COLEC10: variants seen among roughly 807,000 people sequenced by gnomAD.
The protein encoded by COLEC10 is collectin subfamily member 10.
In COLEC10, 22 loss-of-function variants were observed where a neutral mutation model predicts 28.4. The observed-to-expected ratio is 0.78, with a 90% CI of 0.55 to 1.11. The LOEUF (loss-of-function observed/expected upper bound fraction) is 1.11, where lower values mean the gene tolerates loss of function less well. COLEC10 is among the 50% of genes least tolerant of loss of function. The probability of loss-of-function intolerance (pLI) is 0.00; values close to 1 mark genes in which losing one functional copy is unlikely to be tolerated. For missense variants in COLEC10, 361 were observed against 344.1 expected, an observed-to-expected ratio of 1.05 and a Z score of -0.39; for synonymous variants, 125 against 116.1, an observed-to-expected ratio of 1.08 and a Z score of -0.49.
intron 2 of COLEC10, among the ~76,000 whole-genome samples, chr8:119,016,479 A>G (rs144756882): frequency 1.3e-5 from 2 of 152,282 alleles, no homozygotes; most frequent in African/African-American, 4.8e-5. Context: ...TAGGGCTGCA[A>G]TAAACATATG....
At chr8:118,996,348 T>C (rs7842942) in intron 1 of COLEC10, among the ~76,000 whole-genome samples, 103,993 of 152,098 alleles carry the variant, frequency 0.68, 37,378 homozygotes, top group African/African-American at 0.92. Context: ...CTTTGAGATC[T>C]TGATTTAAAT....
At chr8:118,965,864 A>G in the COLEC10 span, among the ~76,000 whole-genome samples, 1 of 152,134 alleles carries the variant, frequency 6.6e-6, no homozygotes, top group South Asian at 2.1e-4. Context: ...GCGAGTGAGT[A>G]GTGAAATTAA....
At chr8:119,067,214 A>G, upstream of COLEC10, 2 of 1,505,922 alleles carry the variant, frequency 1.3e-6, 1 homozygote, top group South Asian at 2.4e-5. Flanking sequence ...CCAAAGCAGG[A>G]GGTTTTATTT....
the COLEC10 span, among the ~76,000 whole-genome samples, chr8:118,972,019 C>T: frequency 6.6e-6 from 1 of 151,918 alleles, no homozygotes. Flanking sequence ...AAGCTCATCC[C>T]CTTATTAGTT....
chr8:119,024,474 C>G (rs752486609), intron 2 of COLEC10, among the ~76,000 whole-genome samples: 12 of 151,920 alleles, frequency 7.9e-5, no homozygotes, highest in Non-Finnish European at 1.6e-4. Flanking sequence ...TCTTGGGATG[C>G]TGAACACTGA....
upstream of COLEC10, among the ~76,000 whole-genome samples, chr8:118,992,468 G>A (rs1813518977): frequency 6.6e-6 from 1 of 152,150 alleles, no homozygotes; most frequent in South Asian, 2.1e-4. Flanking sequence ...TAACAGAAGT[G>A]TTGCCTATAA....
At chr8:118,955,640 C>T in the COLEC10 span, among the ~76,000 whole-genome samples, 1 of 152,172 alleles carries the variant, frequency 6.6e-6, no homozygotes, top group East Asian at 1.9e-4. Context: ...TTAACAAGAA[C>T]TCTGAAAACT....
chr8:118,999,124 G>A (rs1813643601), intron 1 of COLEC10, among the ~76,000 whole-genome samples: 1 of 151,896 alleles, frequency 6.6e-6, no homozygotes, highest in African/African-American at 2.4e-5. Flanking sequence ...CTATTAAAAA[G>A]GTCACATTTA....
intron 2 of COLEC10, among the ~76,000 whole-genome samples, chr8:119,016,048 T>A (rs1378705570): frequency 6.6e-6 from 1 of 152,154 alleles, no homozygotes; most frequent in African/African-American, 2.4e-5. Flanking sequence ...ATTTTTTACT[T>A]TAAGTTCTGG....
At chr8:118,990,251 T>C in the COLEC10 span, among the ~76,000 whole-genome samples, 1 of 152,186 alleles carries the variant, frequency 6.6e-6, no homozygotes, top group African/African-American at 2.4e-5. Flanking sequence ...CATATTTTCT[T>C]ACATATGTAT....
intron 2 of COLEC10, among the ~76,000 whole-genome samples, chr8:119,090,753 A>C (rs373795590): frequency 6.6e-6 from 1 of 152,144 alleles, no homozygotes; most frequent in African/African-American, 2.4e-5. Flanking sequence ...CAATTGTTAA[A>C]TCTTGTTTTA....
chr8:118,972,106 C>T, the COLEC10 span, among the ~76,000 whole-genome samples: 2 of 151,918 alleles, frequency 1.3e-5, no homozygotes, highest in Non-Finnish European at 2.9e-5. Flanking sequence ...AAAACTAGCA[C>T]CTAGTGTGAT....
the COLEC10 span, among the ~76,000 whole-genome samples, chr8:118,988,443 C>A: frequency 2.0e-5 from 3 of 152,078 alleles, no homozygotes; most frequent in Non-Finnish European, 4.4e-5. Context: ...TAGTCCCTTC[C>A]AACCCTCTTG....
the COLEC10 span, among the ~76,000 whole-genome samples, chr8:118,977,228 G>C: frequency 3.5e-5 from 5 of 144,322 alleles, no homozygotes; most frequent in Admixed American, 2.1e-4. Flanking sequence ...AATACCATTT[G>C]AGCCAGCCAT....
the COLEC10 span, among the ~76,000 whole-genome samples, chr8:118,953,856 C>G: frequency 6.6e-6 from 1 of 152,168 alleles, no homozygotes; most frequent in Admixed American, 6.5e-5. Flanking sequence ...GACTAGTTGC[C>G]TAACCTATTT....
intron 2 of COLEC10, among the ~76,000 whole-genome samples, chr8:119,016,090 A>G (rs1009558368): frequency 1.3e-5 from 2 of 152,040 alleles, no homozygotes; most frequent in African/African-American, 4.8e-5. Context: ...GGATTGTTAC[A>G]CAGATATACA....
In COLEC10 at chr8:119,002,000, C is replaced by T. The variant is rs560342679; in HGVS notation, n.122+6427C>T. Among the ~76,000 whole-genome samples, 3 of 152,236 alleles carry T rather than the reference C, an allele frequency of 2.0e-5. No homozygotes were observed. In the South Asian group the frequency reaches 6.2e-4, roughly 32 times the overall value. ...TTAGCCCCCCATTCACAAATATGAG[C>T]TTAGCTCTATTTCTGTGTCTTAAAA... On this transcript the variant is annotated intron_variant and non_coding_transcript_variant, in intron 1 of 6. Transcript: ENST00000521788.
At chr8:118,973,266 T>A in the COLEC10 span, among the ~76,000 whole-genome samples, 1 of 152,036 alleles carries the variant, frequency 6.6e-6, no homozygotes, top group Non-Finnish European at 1.5e-5. Flanking sequence ...TAAAACAGCA[T>A]ACATTTATCA....
chr8:119,091,842 T>C (rs1368938751), intron 3 of COLEC10, among the ~76,000 whole-genome samples: 1 of 152,118 alleles, frequency 6.6e-6, no homozygotes, highest in Non-Finnish European at 1.5e-5. Flanking sequence ...GGTCTGATAG[T>C]CTTTATGTTG....
Sources: gnomAD v4.1 joint callset for allele counts (sites outside exome capture counted in the v4.1 genomes callset) on GRCh38, gnomAD v4.1.1 for gene constraint, MANE v1.5 for transcripts, NCBI Gene and HGNC (gene_info 2026-07-23, HGNC 2026-07-21) for gene names.